The following ABCG1 variants were observed in gnomAD, a reference collection of about 807,000 sequenced individuals.
ABCG1 encodes ATP-binding cassette sub-family G member 1.
In ABCG1, 29 loss-of-function variants were observed where a neutral mutation model predicts 69.2. The observed-to-expected ratio is 0.42, with a 90% CI of 0.31 to 0.57. ABCG1 has a LOEUF of 0.57. Ranked by LOEUF, ABCG1 falls within the 20% of genes least tolerant of loss-of-function variation. The probability of loss-of-function intolerance (pLI) is 0.15; values close to 1 mark genes in which losing one functional copy is unlikely to be tolerated. For synonymous variants in ABCG1, 370 were observed against 374.8 expected, an observed-to-expected ratio of 0.99 and a Z score of 0.15; for missense variants, 718 against 898.1, an observed-to-expected ratio of 0.80 and a Z score of 2.56.
chr21:42,267,665 AGTTCTG>A (rs2068535291), intron 2 of ABCG1, among the ~76,000 whole-genome samples: 1 of 41,020 alleles, frequency 2.4e-5, no homozygotes, highest in Non-Finnish European at 5.1e-5. Context: ...GTCTGGTCTG[AGTTCTG>A]TCTGGGTCTG....
intron 1 of ABCG1, among the ~76,000 whole-genome samples, chr21:42,224,674 T>G (rs983383230): frequency 1.3e-5 from 2 of 152,208 alleles, no homozygotes; most frequent in African/African-American, 4.8e-5. Context: ...TTTGGCACTG[T>G]GAGATGTTCT....
intron 2 of ABCG1, among the ~76,000 whole-genome samples, chr21:42,264,110 C>T (rs530788276): frequency 2.6e-5 from 4 of 152,276 alleles, no homozygotes; most frequent in South Asian, 4.1e-4. Flanking sequence ...TGGCGGCTGT[C>T]GGATGCCCTG....
At chr21:42,203,808 C>G (rs1311226272) in intron 2 of ABCG1, among the ~76,000 whole-genome samples, 2 of 152,216 alleles carry the variant, frequency 1.3e-5, no homozygotes, top group African/African-American at 4.8e-5. Flanking sequence ...ATTTTAATAG[C>G]AATTGCATTA....
Position 42,282,240 on chromosome 21 carries a change from C to A in ABCG1, c.589-34C>A, listed in dbSNP as rs768786407. Reference sequence around the variant, plus strand: ...ATGGGAGGTGGTGAGCTTTGGCGGGCAGCTCCCAATGTCTCTCGTTCTGTT... The same window carrying A: ...ATGGGAGGTGGTGAGCTTTGGCGGGAAGCTCCCAATGTCTCTCGTTCTGTT... On this transcript the variant is annotated intron_variant, in intron 5 of 14. Coordinates refer to ENST00000398449, the MANE Select transcript of ABCG1 (RefSeq NM_016818.3). The A allele has an allele frequency of 1.9e-6, 3 of 1,597,444 alleles. No homozygotes were observed. The African/African-American group carries it at 4.0e-5, about 21-fold the overall frequency.
At chr21:42,247,231 A>C (rs2068146634) in intron 2 of ABCG1, among the ~76,000 whole-genome samples, 1 of 152,216 alleles carries the variant, frequency 6.6e-6, no homozygotes, top group African/African-American at 2.4e-5. Context: ...TAAGCAAAGT[A>C]TTTTTGCTCA....
At chr21:42,284,534 G>T (rs76816807) in intron 6 of ABCG1, 26 bp from the exon 7 acceptor site, 1 of 1,609,896 alleles carries the variant, frequency 6.2e-7, no homozygotes, top group Admixed American at 1.7e-5. Flanking sequence ...GCCCGCAGGC[G>T]TCTCACGGTG....
At chr21:42,240,033 G>A (rs1045547023) in intron 2 of ABCG1, among the ~76,000 whole-genome samples, 1 of 152,240 alleles carries the variant, frequency 6.6e-6, no homozygotes, top group African/African-American at 2.4e-5. Flanking sequence ...GGCCGTGGTT[G>A]TGGGAGCCCA....
chr21:42,219,455 C>T lies in ABCG1; in HGVS notation c.42+151C>T. ...GGGCACCCTAGAGTGGCGCCCGGCTCCGATCGCTGCCCCTGCCCCTCCGCC... is the reference window on the plus strand; with the variant it reads ...GGGCACCCTAGAGTGGCGCCCGGCTTCGATCGCTGCCCCTGCCCCTCCGCC... On this transcript the variant is annotated intron_variant, in intron 1 of 14. Coordinates refer to ENST00000398449, the MANE Select transcript of ABCG1 (RefSeq NM_016818.3). This position sits in a 1 kb window ranked among gnomAD's most constrained non-coding sequence, Gnocchi z 5.3. 8.7e-7 allele frequency: 1 copy of T among 1,152,938 alleles called. No homozygotes were observed. Among genetic ancestry groups the T allele is most frequent in the Non-Finnish European group, 1.2e-6 (1 of 849,176 alleles). 71.4% of individuals were successfully genotyped at this position (1,152,938 alleles called of 1,614,324 possible). A position where few individuals can be genotyped will look rare whatever the true frequency, so the allele number is the denominator to read the frequency against.
intron 6 of ABCG1, among the ~76,000 whole-genome samples, chr21:42,283,690 TCCCA>T (rs1354571573): frequency 4.2e-5 from 5 of 118,930 alleles, no homozygotes; most frequent in African/African-American, 9.8e-5. Flanking sequence ...CCCACCTCTT[TCCCA>T]CCTGGACAGT....
chr21:42,266,872 A>C (rs893585444), intron 2 of ABCG1, among the ~76,000 whole-genome samples: 10 of 152,094 alleles, frequency 6.6e-5, no homozygotes, highest in Non-Finnish European at 8.8e-5. Flanking sequence ...ATTCCTGAGC[A>C]GGTGTCTGGT....
At chr21:42,242,962 C>T (rs1351268439) in intron 2 of ABCG1, among the ~76,000 whole-genome samples, 1 of 152,138 alleles carries the variant, frequency 6.6e-6, no homozygotes, top group African/African-American at 2.4e-5. Flanking sequence ...GTTGCTGGTC[C>T]AGGGATCCCA....
At chr21:42,283,694 A>G (rs115176401) in intron 6 of ABCG1, among the ~76,000 whole-genome samples, 2,076 of 68,234 alleles carry the variant, frequency 0.03, 70 homozygotes, top group African/African-American at 0.044. Flanking sequence ...CCTCTTTCCC[A>G]CCTGGACAGT....
intron 2 of ABCG1, among the ~76,000 whole-genome samples, chr21:42,233,026 A>G (rs1275340026): frequency 6.6e-6 from 1 of 152,258 alleles, no homozygotes; most frequent in African/African-American, 2.4e-5. Context: ...ACACCTGCAT[A>G]GGAAACTTAC....
chr21:42,239,655 G>GCTAAC lies in ABCG1; in HGVS notation c.286+13741_286+13742insCTAAC, dbSNP rs376171086. On this transcript the variant is annotated intron_variant, in intron 2 of 14. Transcript: ENST00000398449. Reference sequence around the variant, plus strand: ...GCTGTAAGTAGCAGAGCCAAGAGGTGACCCAGGTAGCTGCTTCCAGAGCCC... The same window carrying GCTAAC: ...GCTGTAAGTAGCAGAGCCAAGAGGTGCTAACACCCAGGTAGCTGCTTCCAGAGCCC... Among the ~76,000 whole-genome samples the GCTAAC allele has an allele frequency of 2.6e-3, 393 of 152,334 alleles. 2 individuals are homozygous for GCTAAC. The highest frequency in any genetic ancestry group is 8.9e-3 in the African/African-American group (370 of 41,564).
At position 42,279,298 on chromosome 21, in the gene ABCG1, C is replaced by T. The variant is rs6586301; in HGVS notation, c.588+2353C>T. Among the ~76,000 whole-genome samples the T allele has an allele frequency of 8.1e-3, 1,239 of 152,192 alleles. 17 individuals carry two copies. Among genetic ancestry groups the T allele is most frequent in the African/African-American group, 0.029 (1,192 of 41,518 alleles). ...GAGAGGGAATTCTGTCTCTCTGACC[C>T]AAAATAAGGCCCAAGGACAGAGCAA... On this transcript the variant is annotated intron_variant, in intron 5 of 14. Transcript: ENST00000398449.
intron 2 of ABCG1, among the ~76,000 whole-genome samples, chr21:42,227,842 G>T (rs369426617): frequency 2.1e-3 from 316 of 148,428 alleles, no homozygotes; most frequent in African/African-American, 7.7e-3. Context: ...GGTGAGGGGA[G>T]AGAGAGAGAG....
rs150667618 is a variant in ABCG1, at chr21:42,291,846, G to T, written c.1653+190G>T. Among the ~76,000 whole-genome samples, 2 of 152,144 alleles carry T rather than the reference G, an allele frequency of 1.3e-5. No individual in the cohort carries two copies. Among genetic ancestry groups the T allele is most frequent in the Non-Finnish European group, 2.9e-5 (2 of 68,012 alleles). On this transcript the variant is annotated intron_variant, in intron 13 of 14. Transcript: ENST00000398449. This position sits in a 1 kb window ranked among gnomAD's most constrained non-coding sequence, Gnocchi z 6.4. Reference sequence around the variant, plus strand: ...AGCTGGCTTCCACAGTGCGCACAGCGGGCAGCCTCACGTGTGCTGACTGCG... The same window carrying T: ...AGCTGGCTTCCACAGTGCGCACAGCTGGCAGCCTCACGTGTGCTGACTGCG...
At chr21:42,269,759 C>T (rs1422371784) in intron 2 of ABCG1, among the ~76,000 whole-genome samples, 1 of 152,180 alleles carries the variant, frequency 6.6e-6, no homozygotes, top group African/African-American at 2.4e-5. Flanking sequence ...GACAGGAAGA[C>T]AGCTGGGAGC....
chr21:42,217,879 G>T (rs2067659653), upstream of ABCG1, among the ~76,000 whole-genome samples: 1 of 151,814 alleles, frequency 6.6e-6, no homozygotes, highest in Non-Finnish European at 1.5e-5. Flanking sequence ...TTTTAGTAGA[G>T]ACGGGGTTTC....
Sources: gnomAD v4.1 joint callset for allele counts (sites outside exome capture counted in the v4.1 genomes callset) on GRCh38, gnomAD v4.1.1 for gene constraint, Gnocchi (gnomAD v3.1) non-coding constraint, MANE v1.5 for transcripts, NCBI Gene and HGNC (gene_info 2026-07-23, HGNC 2026-07-21) for gene names.